The following CSNK2A2IP variants were observed in gnomAD, a reference collection of about 807,000 sequenced individuals.
The protein encoded by CSNK2A2IP is casein kinase II subunit alpha'-interacting protein.
At chr3:88,382,194 A>G in the CSNK2A2IP span, among the ~76,000 whole-genome samples, 1 of 152,242 alleles carries the variant, frequency 6.6e-6, no homozygotes, top group Non-Finnish European at 1.5e-5. Context: ...AGACTAAGCC[A>G]TCTCAGAGTT....
chr3:88,426,098 T>C, the CSNK2A2IP span, among the ~76,000 whole-genome samples: 1 of 152,210 alleles, frequency 6.6e-6, no homozygotes, highest in Admixed American at 6.5e-5. Flanking sequence ...AAATAGTCTT[T>C]TCCACAAAAA....
chr3:88,339,668 T>C, the CSNK2A2IP span, among the ~76,000 whole-genome samples: 134 of 152,194 alleles, frequency 8.8e-4, no homozygotes, highest in Middle Eastern at 0.017. Flanking sequence ...ATGATGACAC[T>C]TGGGACAGGA....
the CSNK2A2IP span, among the ~76,000 whole-genome samples, chr3:88,440,115 A>T: frequency 6.6e-6 from 1 of 152,208 alleles, no homozygotes; most frequent in Admixed American, 6.5e-5. Context: ...TAAAATTTGT[A>T]AAATAAGTTA....
chr3:88,406,195 A>G, the CSNK2A2IP span, among the ~76,000 whole-genome samples: 1 of 152,196 alleles, frequency 6.6e-6, no homozygotes, highest in African/African-American at 2.4e-5. Flanking sequence ...AAAAACCAAA[A>G]TAAATGGCTA....
the CSNK2A2IP span, among the ~76,000 whole-genome samples, chr3:88,434,233 A>C: frequency 1.3e-5 from 2 of 152,164 alleles, no homozygotes; most frequent in Non-Finnish European, 2.9e-5. Context: ...TTGGCTATAC[A>C]AACTACCTGT....
At chr3:88,354,347 G>A in the CSNK2A2IP span, among the ~76,000 whole-genome samples, 1 of 152,144 alleles carries the variant, frequency 6.6e-6, no homozygotes, top group African/African-American at 2.4e-5. Flanking sequence ...TGAGCTGCAT[G>A]ATAAGCACTC....
the CSNK2A2IP span, among the ~76,000 whole-genome samples, chr3:88,443,640 T>C: frequency 6.6e-6 from 1 of 152,272 alleles, no homozygotes; most frequent in African/African-American, 2.4e-5. Context: ...GGACTCTTCT[T>C]ATCCACCTTT....
chr3:88,460,765 G>A, the CSNK2A2IP span, among the ~76,000 whole-genome samples: 1 of 152,102 alleles, frequency 6.6e-6, no homozygotes, highest in African/African-American at 2.4e-5. Flanking sequence ...AAATTAGGAA[G>A]TATTTTTTGT....
At chr3:88,466,186 A>G in the CSNK2A2IP span, 1 of 1,231,678 alleles carries the variant, frequency 8.1e-7, no homozygotes, top group Non-Finnish European at 1.0e-6. Flanking sequence ...ACTTGACTCT[A>G]GGCTTCAGAA....
chr3:88,444,749 G>A, the CSNK2A2IP span, among the ~76,000 whole-genome samples: 1 of 152,148 alleles, frequency 6.6e-6, no homozygotes, highest in Non-Finnish European at 1.5e-5. Flanking sequence ...TGAAGGCAAT[G>A]TGTAACCTAC....
chr3:88,408,817 G>A, the CSNK2A2IP span, among the ~76,000 whole-genome samples: 38 of 151,730 alleles, frequency 2.5e-4, no homozygotes, highest in Non-Finnish European at 4.6e-4. Context: ...AGTTAACTGG[G>A]GGATTCCCTT....
chr3:88,465,396 A>G, the CSNK2A2IP span: 1 of 1,231,556 alleles, frequency 8.1e-7, no homozygotes, highest in Admixed American at 4.2e-5. Flanking sequence ...ACTTTGTGCC[A>G]TTAGACTACT....
the CSNK2A2IP span, among the ~76,000 whole-genome samples, chr3:88,463,629 A>G: frequency 0.37 from 56,898 of 151,814 alleles, 11,183 homozygotes; most frequent in East Asian, 0.69. Flanking sequence ...TTAGAATGGC[A>G]ATCATTAAAA....
chr3:88,373,593 G>T, the CSNK2A2IP span, among the ~76,000 whole-genome samples: 1 of 74,542 alleles, frequency 1.3e-5, no homozygotes, highest in Non-Finnish European at 3.0e-5. Context: ...CAAATTAAAT[G>T]TAATGAAAGT....
chr3:88,459,720 G>A, the CSNK2A2IP span, among the ~76,000 whole-genome samples: 1 of 152,020 alleles, frequency 6.6e-6, no homozygotes, highest in African/African-American at 2.4e-5. Flanking sequence ...TAAGTAACTA[G>A]TTTTTCTTAG....
chr3:88,366,047 T>C, the CSNK2A2IP span, among the ~76,000 whole-genome samples: 1 of 152,128 alleles, frequency 6.6e-6, no homozygotes, highest in Non-Finnish European at 1.5e-5. Flanking sequence ...CCCAACGAGA[T>C]TATAATGTGA....
the CSNK2A2IP span, among the ~76,000 whole-genome samples, chr3:88,434,529 C>A: frequency 6.6e-6 from 1 of 151,938 alleles, no homozygotes; most frequent in Admixed American, 6.6e-5. Flanking sequence ...AAAACCAAAA[C>A]CAAAAACAAA....
chr3:88,349,158 T>C, the CSNK2A2IP span, among the ~76,000 whole-genome samples: 1 of 152,116 alleles, frequency 6.6e-6, no homozygotes, highest in East Asian at 1.9e-4. Flanking sequence ...TCAATAGTTT[T>C]GGGGGTGCAG....
the CSNK2A2IP span, among the ~76,000 whole-genome samples, chr3:88,458,110 A>T: frequency 7.4e-6 from 1 of 134,852 alleles, no homozygotes; most frequent in South Asian, 2.4e-4. Flanking sequence ...CAGTAACATC[A>T]CCTCTCTTAA....
Sources: allele counts gnomAD v4.1 joint callset (sites outside exome capture counted in the v4.1 genomes callset), GRCh38; gene constraint gnomAD v4.1.1; transcripts MANE v1.5; gene names NCBI Gene and HGNC (gene_info 2026-07-23, HGNC 2026-07-21).